AFF2: variants seen among roughly 807,000 people sequenced by gnomAD.
AFF2 encodes the protein AF4/FMR2 family member 2.
AFF2 carries 14 observed loss-of-function variants against 76.9 expected under a neutral mutation model. That is an observed-to-expected ratio of 0.18 (90% confidence interval 0.12 to 0.28). The LOEUF (loss-of-function observed/expected upper bound fraction) is 0.28. Among genes scored for constraint, AFF2 ranks in the 10% least tolerant of loss-of-function variants. The probability of loss-of-function intolerance (pLI) is 1.00; values close to 1 mark genes in which losing one functional copy is unlikely to be tolerated. For synonymous variants in AFF2, 398 were observed against 366.7 expected (o/e 1.09, Z -0.98); for missense variants, 868 against 1,001.1 (o/e 0.87, Z 1.79).
chrX:148,993,189 T>A lies in AFF2; in HGVS notation c.*1857T>A, dbSNP rs1371674666. The A allele has an allele frequency of 3.5e-5, 4 of 112,777 alleles. No homozygotes were observed. The highest frequency in any genetic ancestry group is 1.3e-4 in the African/African-American group (4 of 30,922). The allele number at this position is 112,777 out of a possible 1,213,427, so 9.3% of individuals were successfully genotyped here. On this transcript the variant is annotated 3_prime_UTR_variant, in exon 21 of 21. Transcript: ENST00000370460. ...GTTGTTAATATGGCTGATGGGAGCA[T>A]CCCTGCAGCTGAACCCAGCACTTTT...
chrX:148,750,474 G>A (rs782412719), intron 3 of AFF2, among the ~76,000 whole-genome samples: 12 of 111,279 alleles, frequency 1.1e-4, no homozygotes, highest in African/African-American at 3.6e-4. Flanking sequence ...CTCAGCATGA[G>A]GTATCATTTC....
chrX:148,668,095 C>T (rs781967675), intron 3 of AFF2, among the ~76,000 whole-genome samples: 1 of 112,985 alleles, frequency 8.9e-6, no homozygotes, highest in Non-Finnish European at 1.9e-5. Flanking sequence ...AACAAAGGGG[C>T]TACAGGCCCC....
At chrX:148,874,611 C>T (rs181822809) in intron 7 of AFF2, among the ~76,000 whole-genome samples, 22 of 112,111 alleles carry the variant, frequency 2.0e-4, no homozygotes, top group Non-Finnish European at 3.4e-4. Context: ...TGTTAGACAA[C>T]TGAGTTATCT....
intron 1 of AFF2, among the ~76,000 whole-genome samples, chrX:148,614,714 TTTC>T (rs1481889862): frequency 1.9e-4 from 8 of 43,221 alleles, no homozygotes; most frequent in African/African-American, 6.3e-4. Flanking sequence ...TCTTTCTTTC[TTTC>T]TTTCTTTCTT....
intron 4 of AFF2, among the ~76,000 whole-genome samples, chrX:148,827,162 G>A (rs2070398135): frequency 9.0e-6 from 1 of 110,929 alleles, no homozygotes; most frequent in Non-Finnish European, 1.9e-5. Flanking sequence ...CTGTATTAGC[G>A]GCCTGGTACC....
intron 11 of AFF2, among the ~76,000 whole-genome samples, chrX:148,957,233 G>A (rs1557287502): frequency 9.0e-6 from 1 of 111,536 alleles, no homozygotes; most frequent in Admixed American, 9.5e-5. Context: ...TTTTTAGAGT[G>A]ATGTTATCTC....
At chrX:148,890,170 G>A (rs1389722393) in intron 8 of AFF2, among the ~76,000 whole-genome samples, 2 of 111,829 alleles carry the variant, frequency 1.8e-5, no homozygotes, top group Admixed American at 9.5e-5. Flanking sequence ...AATTTTAAAT[G>A]TAGATATTAA....
intron 8 of AFF2, among the ~76,000 whole-genome samples, chrX:148,896,530 C>T (rs2071286259): frequency 8.9e-6 from 1 of 111,839 alleles, no homozygotes; most frequent in Non-Finnish European, 1.9e-5. Context: ...GCAAGATTCT[C>T]CTTCTCAGTC....
intron 7 of AFF2, among the ~76,000 whole-genome samples, chrX:148,860,298 C>T (rs970062212): frequency 1.8e-5 from 2 of 111,833 alleles, no homozygotes; most frequent in South Asian, 7.5e-4. Context: ...CAGACACATT[C>T]CATGAGCTGA....
chrX:148,577,681 C>A, intron 1 of AFF2, among the ~76,000 whole-genome samples: 1 of 112,461 alleles, frequency 8.9e-6, no homozygotes. Flanking sequence ...CATGTTTGAA[C>A]TATTTTCTTT....
chrX:148,772,702 G>A (rs1248039284), intron 3 of AFF2, among the ~76,000 whole-genome samples: 1 of 110,298 alleles, frequency 9.1e-6, no homozygotes, highest in Non-Finnish European at 1.9e-5. Flanking sequence ...TAATTTCTAA[G>A]TGGAGGCAGT....
At chrX:148,983,545 T>C (rs2072420724) in intron 19 of AFF2, among the ~76,000 whole-genome samples, 1 of 112,241 alleles carries the variant, frequency 8.9e-6, no homozygotes, top group South Asian at 3.8e-4. Context: ...GTTGTAATTG[T>C]TACCTATTTA....
chrX:148,887,825 G>A (rs1371949912), intron 8 of AFF2, among the ~76,000 whole-genome samples: 2 of 111,645 alleles, frequency 1.8e-5, no homozygotes, highest in Non-Finnish European at 3.8e-5. Context: ...GGAGCAAGAT[G>A]TAGGCACAAG....
chrX:148,940,962 T>C (rs2071827313), intron 9 of AFF2, among the ~76,000 whole-genome samples: 1 of 112,097 alleles, frequency 8.9e-6, no homozygotes, highest in Non-Finnish European at 1.9e-5. Flanking sequence ...AAAGATCTAG[T>C]ATTTCCTATG....
intron 3 of AFF2, among the ~76,000 whole-genome samples, chrX:148,796,350 C>T (rs1167102436): frequency 9.0e-6 from 1 of 111,126 alleles, no homozygotes; most frequent in East Asian, 2.8e-4. Flanking sequence ...AGCAGGTCAA[C>T]ATCCTTAGGT....
intron 20 of AFF2, 51 bp downstream of exon 20, chrX:148,987,608 C>T: frequency 9.3e-7 from 1 of 1,074,629 alleles, no homozygotes; most frequent in Non-Finnish European, 1.3e-6. Flanking sequence ...ATGGAGTTAA[C>T]TTCACTTTGA....
chrX:148,948,765 A>T (rs1293975872), intron 9 of AFF2, among the ~76,000 whole-genome samples: 3 of 109,384 alleles, frequency 2.7e-5, no homozygotes, highest in Admixed American at 9.8e-5. Flanking sequence ...GCCCTCCTAC[A>T]CCTGGGGCCC....
Position 148,710,201 on chromosome X carries a change from A to C in AFF2, c.1041+47433A>C, listed in dbSNP as rs138935893. Among the ~76,000 whole-genome samples the C allele has an allele frequency of 4.4e-3, 488 of 112,077 alleles. 3 individuals carry two copies. The highest frequency in any genetic ancestry group is 0.015 in the African/African-American group (468 of 30,867). ...TGATGAAATTGATCAGGTTGTTCTCATTGCATAACTGACTTGGATTAAAAA... is the reference window on the plus strand; with the variant it reads ...TGATGAAATTGATCAGGTTGTTCTCCTTGCATAACTGACTTGGATTAAAAA... On this transcript the variant is annotated intron_variant, in intron 3 of 20. Coordinates refer to ENST00000370460, the MANE Select transcript of AFF2 (RefSeq NM_002025.4).
intron 1 of AFF2, among the ~76,000 whole-genome samples, chrX:148,632,182 C>T (rs183978224): frequency 6.4e-4 from 72 of 111,863 alleles, no homozygotes; most frequent in Middle Eastern, 4.6e-3. Context: ...ATTTCTTTGA[C>T]GTTAAGCCAA....
Sources: allele counts gnomAD v4.1 joint callset (sites outside exome capture counted in the v4.1 genomes callset), GRCh38; gene constraint gnomAD v4.1.1; transcripts MANE v1.5; gene names NCBI Gene and HGNC (gene_info 2026-07-23, HGNC 2026-07-21).